The following CSPP1 variants were observed in gnomAD, a reference collection of about 807,000 sequenced individuals.
CSPP1 encodes the protein centrosome and spindle pole-associated protein 1.
CSPP1 carries 126 observed loss-of-function variants against 164.4 expected under a neutral mutation model. The observed-to-expected ratio is 0.77, with a 90% confidence interval of 0.66 to 0.89. The LOEUF (loss-of-function observed/expected upper bound fraction) is 0.89, where lower values mean the gene tolerates loss of function less well. Ranked by LOEUF, CSPP1 falls within the 40% of genes least tolerant of loss-of-function variation. The pLI, the probability that CSPP1 is intolerant of heterozygous loss-of-function variation, is 0.00. For missense variants in CSPP1, 1,395 were observed against 1,449.8 expected (o/e 0.96, Z 0.61); for synonymous variants, 472 against 476.7 (o/e 0.99, Z 0.13).
chr8:67,108,448 A>G (rs1328032507), intron 9 of CSPP1, among the ~76,000 whole-genome samples: 3 of 151,304 alleles, frequency 2.0e-5, no homozygotes, highest in African/African-American at 7.3e-5. Context: ...TCGTATGTTC[A>G]TGTCTTGTAT....
chr8:67,158,698 A>G (rs1827146001), intron 20 of CSPP1, 102 bp downstream of exon 20: 1 of 1,375,906 alleles, frequency 7.3e-7, no homozygotes, highest in Non-Finnish European at 9.6e-7. Context: ...GTGTTGGAGT[A>G]CATTTAGAAA....
intron 15 of CSPP1, among the ~76,000 whole-genome samples, chr8:67,130,727 C>CTT (rs1171450119): frequency 6.6e-6 from 1 of 152,176 alleles, no homozygotes; most frequent in Non-Finnish European, 1.5e-5. Context: ...GTGGCTCATG[C>CTT]TTATAATCCC....
chr8:67,188,416 T>C (rs1835283381), intron 28 of CSPP1, among the ~76,000 whole-genome samples: 1 of 152,066 alleles, frequency 6.6e-6, no homozygotes, highest in Non-Finnish European at 1.5e-5. Context: ...GAGGGCTCAC[T>C]AAAATACAAA....
chr8:67,090,389 G>T (rs1298663802), intron 4 of CSPP1, among the ~76,000 whole-genome samples: 5 of 152,104 alleles, frequency 3.3e-5, no homozygotes, highest in African/African-American at 1.2e-4. Context: ...GGGTTCAGGT[G>T]ATTCTCCTGC....
intron 7 of CSPP1, among the ~76,000 whole-genome samples, chr8:67,101,325 T>G (rs1201223673): frequency 6.6e-6 from 1 of 152,164 alleles, no homozygotes; most frequent in African/African-American, 2.4e-5. Flanking sequence ...GTTCTGCCAG[T>G]GGTTGTAACT....
chr8:67,084,136 A>G (rs553650644), intron 3 of CSPP1: 4 of 152,306 alleles, frequency 2.6e-5, no homozygotes, highest in Admixed American at 6.5e-5. Context: ...CTTTAAAAAA[A>G]GGTTTAGATT....
At chr8:67,178,955 T>G (rs1004333767) in intron 27 of CSPP1, among the ~76,000 whole-genome samples, 9 of 152,190 alleles carry the variant, frequency 5.9e-5, no homozygotes, top group African/African-American at 2.2e-4. Flanking sequence ...GCATTTTGAC[T>G]GAGTGGGACA....
At position 67,064,420 on chromosome 8, in the gene CSPP1, G is replaced by A. The variant is rs768054883; in HGVS notation, c.-129G>A. On this transcript the variant is annotated 5_prime_UTR_variant, in exon 1 of 31. Coordinates refer to ENST00000678616, the MANE Select transcript of CSPP1 (RefSeq NM_001382391.1). ...TGTCATGCTGTTCCCGCTCCAGGTG[G>A]CCGCTGTAACCTCTTCGGTCCGCGA... 8 of 1,613,852 alleles carry A rather than the reference G, an allele frequency of 5.0e-6. No individual in the cohort carries two copies. The highest frequency in any genetic ancestry group is 5.9e-6 in the Non-Finnish European group (7 of 1,179,898).
chr8:67,183,850 T>A (rs1833660619), intron 28 of CSPP1, among the ~76,000 whole-genome samples: 1 of 146,124 alleles, frequency 6.8e-6, no homozygotes, highest in African/African-American at 2.5e-5. Flanking sequence ...GGAATTTTTT[T>A]TTTTTTTTTT....
Position 67,124,797 on chromosome 8 carries a change from T to G in CSPP1, c.1697+5976T>G, listed in dbSNP as rs1447457026. Among the ~76,000 whole-genome samples the G allele has an allele frequency of 2.0e-5, 3 of 152,176 alleles. No homozygotes were observed. The East Asian group carries it at 5.8e-4, about 29-fold the overall frequency. On this transcript the variant is annotated intron_variant, in intron 15 of 30. Transcript: ENST00000678616. ...CCTGGATTTAAGGGATCCTCCCACC[T>G]CAGGCTCCCAAGTAGCTACTACTCC...
At chr8:67,114,798 G>A (rs573039927) in intron 12 of CSPP1, 1 of 152,122 alleles carries the variant, frequency 6.6e-6, no homozygotes, top group Non-Finnish European at 1.5e-5. Flanking sequence ...TGTATTTATG[G>A]TTACACTAGT....
chr8:67,143,450 ATTACTT>A (rs1356364312), intron 17 of CSPP1, among the ~76,000 whole-genome samples: 1 of 152,006 alleles, frequency 6.6e-6, no homozygotes, highest in African/African-American at 2.4e-5. Flanking sequence ...TACTATTACT[ATTACTT>A]TGTCATGTCA....
chr8:67,189,642 T>G (rs1218297353), intron 28 of CSPP1, among the ~76,000 whole-genome samples: 1 of 152,192 alleles, frequency 6.6e-6, no homozygotes, highest in Non-Finnish European at 1.5e-5. Flanking sequence ...ATAATTAGAT[T>G]TTTGCAGTGT....
At chr8:67,188,454 A>T (rs370477695) in intron 28 of CSPP1, among the ~76,000 whole-genome samples, 2 of 152,238 alleles carry the variant, frequency 1.3e-5, no homozygotes, top group African/African-American at 4.8e-5. Context: ...GTAAAGAAAT[A>T]GTGAAATCAT....
intron 28 of CSPP1, among the ~76,000 whole-genome samples, chr8:67,189,416 A>G (rs370494435): frequency 2.0e-5 from 3 of 152,206 alleles, no homozygotes; most frequent in African/African-American, 4.8e-5. Flanking sequence ...AGACAATGCA[A>G]TATTTTTCAG....
Position 67,190,573 on chromosome 8 carries a change from T to C in CSPP1, c.3221-77T>C. The C allele has an allele frequency of 3.8e-6, 4 of 1,066,144 alleles. 1 individual carries two copies. In the Admixed American group the frequency reaches 7.1e-5, roughly 19 times the overall value. The allele number at this position is 1,066,144 out of a possible 1,614,324, so 66.0% of individuals were successfully genotyped here. ...GTATTGTAAGCAAAATCTTAGTAATTAAAAGGCTCTTGGTTTAGCTCTGGG... is the reference window on the plus strand; with the variant it reads ...GTATTGTAAGCAAAATCTTAGTAATCAAAAGGCTCTTGGTTTAGCTCTGGG... On this transcript the variant is annotated intron_variant, in intron 28 of 30. Transcript: ENST00000678616.
At chr8:67,075,586 T>C (rs1184649774) in intron 2 of CSPP1, among the ~76,000 whole-genome samples, 1 of 152,190 alleles carries the variant, frequency 6.6e-6, no homozygotes, top group Non-Finnish European at 1.5e-5. Context: ...AGTTAAGTAA[T>C]GAGACTAAGG....
At chr8:67,179,721 T>C (rs966324113) in intron 27 of CSPP1, 142 bp from the exon 28 acceptor site, 16 of 588,488 alleles carry the variant, frequency 2.7e-5, no homozygotes, top group East Asian at 5.7e-5. Flanking sequence ...TTTCTGAGCA[T>C]TGGAATGTAG....
chr8:67,083,990 A>G (rs1809861946), intron 3 of CSPP1: 1 of 152,152 alleles, frequency 6.6e-6, no homozygotes, highest in Non-Finnish European at 1.5e-5. Context: ...CTTGGGTTAA[A>G]GTTATGTGCC....
Sources: gnomAD v4.1 joint callset for allele counts (sites outside exome capture counted in the v4.1 genomes callset) on GRCh38, gnomAD v4.1.1 for gene constraint, MANE v1.5 for transcripts, NCBI Gene and HGNC (gene_info 2026-07-23, HGNC 2026-07-21) for gene names.